Variants in EHF observed in about 807,000 individuals in gnomAD.
The protein encoded by EHF is ETS homologous factor, also known as ESE3 transcription factor.
A neutral mutation model predicts 45.1 loss-of-function variants in EHF; 14 were observed. The observed-to-expected ratio is 0.31, with a 90% CI of 0.21 to 0.49. The LOEUF (loss-of-function observed/expected upper bound fraction) is 0.49. Among genes scored for constraint, EHF ranks in the 20% least tolerant of loss-of-function variants. The pLI, the probability that EHF is intolerant of heterozygous loss-of-function variation, is 0.99. For synonymous variants in EHF, 136 were observed against 131.8 expected (o/e 1.03, Z -0.22); for missense variants, 282 against 371.4 (o/e 0.76, Z 1.98).
rs144779262 is a variant in EHF, at chr11:34,640,998, G to A, written c.-3-1630G>A. ...AGAAAACTGGGGTTCAGAGAGGTTA[G>A]GTAACTTGTCTGGGTGAGTACTAAC... is the stretch of plus-strand genomic sequence containing the variant. On this transcript the variant is annotated intron_variant, in intron 1 of 8. Transcript: ENST00000257831. Among the ~76,000 whole-genome samples the A allele has an allele frequency of 1.8e-3, 277 of 152,302 alleles. 1 individual carries two copies. Among genetic ancestry groups the A allele is most frequent in the Non-Finnish European group, 2.0e-3 (135 of 68,022 alleles).
chr11:34,642,053 T>A (rs1854051612), intron 1 of EHF: 1 of 152,146 alleles, frequency 6.6e-6, no homozygotes, highest in African/African-American at 2.4e-5. Flanking sequence ...CCTGATATTA[T>A]CACAAAGCCA....
At chr11:34,633,409 G>A (rs1853092485) in intron 1 of EHF, among the ~76,000 whole-genome samples, 1 of 152,174 alleles carries the variant, frequency 6.6e-6, no homozygotes, top group Admixed American at 6.5e-5. Context: ...AGGGAAGGGA[G>A]GCAAGTGGGT....
At chr11:34,655,498 C>G (rs1042367661) in intron 6 of EHF, among the ~76,000 whole-genome samples, 6 of 152,204 alleles carry the variant, frequency 3.9e-5, no homozygotes, top group African/African-American at 1.4e-4. Flanking sequence ...GACATAGAAT[C>G]ATGGTTATGA....
chr11:34,631,655 G>A (rs1293725872), intron 1 of EHF: 3 of 808,732 alleles, frequency 3.7e-6, no homozygotes, highest in African/African-American at 1.9e-5. Context: ...TCATTTATGC[G>A]ATGGGAAAAC....
At chr11:34,650,998 GA>G (rs1855103265) in intron 4 of EHF, among the ~76,000 whole-genome samples, 1 of 152,074 alleles carries the variant, frequency 6.6e-6, no homozygotes, top group African/African-American at 2.4e-5. Context: ...AAAAATCCTA[GA>G]GGGAGGGGGC....
intron 1 of EHF, among the ~76,000 whole-genome samples, chr11:34,623,433 G>A (rs1852122459): frequency 6.6e-6 from 1 of 151,998 alleles, no homozygotes; most frequent in Non-Finnish European, 1.5e-5. Context: ...TCTCCCAGTG[G>A]AAGTATCTTT....
chr11:34,648,683 G>C (rs1854826179), intron 3 of EHF, among the ~76,000 whole-genome samples: 1 of 152,152 alleles, frequency 6.6e-6, no homozygotes, highest in Non-Finnish European at 1.5e-5. Context: ...GGGAAACTGA[G>C]ACCCAGAAAG....
At chr11:34,642,809 A>G in intron 2 of EHF, 82 bp downstream of exon 2, 1 of 1,040,742 alleles carries the variant, frequency 9.6e-7, no homozygotes, top group Non-Finnish European at 1.5e-6. Context: ...CTAATGTTTG[A>G]AAAATATAGG....
At chr11:34,624,645 A>G (rs1483515668) in intron 1 of EHF, among the ~76,000 whole-genome samples, 1 of 152,330 alleles carries the variant, frequency 6.6e-6, no homozygotes, top group East Asian at 1.9e-4. Flanking sequence ...TTAGGGTGGG[A>G]CATAGTTTCA....
At chr11:34,651,443 C>G in intron 4 of EHF, 99 bp from the exon 5 acceptor site, 1 of 937,122 alleles carries the variant, frequency 1.1e-6, no homozygotes, top group Admixed American at 1.8e-5. Flanking sequence ...CCACTCCTCA[C>G]CCCCCATACT....
chr11:34,649,685 T>G (rs962014116), intron 4 of EHF, among the ~76,000 whole-genome samples: 1 of 152,212 alleles, frequency 6.6e-6, no homozygotes, highest in Non-Finnish European at 1.5e-5. Context: ...TTTCGTTTCC[T>G]TTCCCCTGTC....
intron 1 of EHF, among the ~76,000 whole-genome samples, chr11:34,629,356 CA>C (rs1198194999): frequency 6.6e-6 from 1 of 152,094 alleles, no homozygotes; most frequent in Non-Finnish European, 1.5e-5. Context: ...CCAGGAGAAA[CA>C]GAATAAAGTC....
chr11:34,622,742 CA>C (rs1852068560), intron 1 of EHF, among the ~76,000 whole-genome samples: 1 of 152,164 alleles, frequency 6.6e-6, no homozygotes, highest in Non-Finnish European at 1.5e-5. Flanking sequence ...CATTTTCACA[CA>C]AATGGCTAAT....
intron 1 of EHF, among the ~76,000 whole-genome samples, chr11:34,630,932 G>A (rs966917530): frequency 1.1e-4 from 16 of 152,138 alleles, no homozygotes; most frequent in African/African-American, 3.9e-4. Flanking sequence ...CCAACGGCCC[G>A]GAGAACACTG....
Position 34,635,063 on chromosome 11 carries a change from A to G in EHF, c.-3-7565A>G, listed in dbSNP as rs148246366. Among the ~76,000 whole-genome samples the G allele has an allele frequency of 3.3e-3, 509 of 152,318 alleles. 1 individual carries two copies. Among genetic ancestry groups the G allele is most frequent in the Non-Finnish European group, 4.4e-3 (299 of 68,038 alleles). On this transcript the variant is annotated intron_variant, in intron 1 of 8. Coordinates refer to ENST00000257831, the MANE Select transcript of EHF (RefSeq NM_012153.6). The stretch of plus-strand genomic sequence containing the variant: ...AATGCCTCCTAGAGTTGTTGTGAGC[A>G]TTGATTGAGATAATCTGTTTAAACC...
In EHF at chr11:34,659,045, G is replaced by A; in HGVS notation, c.*114G>A. 2.5e-6 allele frequency: 2 copies of A among 799,742 alleles called. No homozygotes were observed. The highest frequency in any genetic ancestry group is 4.0e-5 in the South Asian group (2 of 49,924). 49.5% of individuals were successfully genotyped at this position (799,742 alleles called of 1,614,324 possible). ...TTTCTCTGATATTTATGTACCATGAGGGGAACAAGAAACTACTTCTAACGG... is the reference window on the plus strand; with the variant it reads ...TTTCTCTGATATTTATGTACCATGAAGGGAACAAGAAACTACTTCTAACGG... On this transcript the variant is annotated 3_prime_UTR_variant, in exon 9 of 9. Transcript: ENST00000257831.
At position 34,662,720 on chromosome 11, in the gene EHF, T is replaced by C. The variant is rs1856164388; in HGVS notation, c.*3789T>C. On this transcript the variant is annotated 3_prime_UTR_variant, in exon 9 of 9. Coordinates refer to ENST00000257831, the MANE Select transcript of EHF (RefSeq NM_012153.6). ...AAACAGTTAAGAAGGAAGGCAATTA[T>C]ATTATTCTTCTGTAGTTAAGCAAAC... 6.6e-6 allele frequency among the ~76,000 whole-genome samples: 1 copy of C among 152,170 alleles called. No individual in the cohort carries two copies. The highest frequency in any genetic ancestry group is 1.5e-5 in the Non-Finnish European group (1 of 68,014).
rs551614614 is a variant in EHF at position 34,648,029 on chromosome 11, C to T, written c.344-990C>T. Among the ~76,000 whole-genome samples the T allele has an allele frequency of 2.0e-5, 3 of 152,332 alleles. No individual in the cohort carries two copies. In the South Asian group the frequency reaches 6.2e-4, roughly 32 times the overall value. Reference sequence around the variant, plus strand: ...TGTGGCCATCTTAGACCTTCTGTCTCTGACTTCCCATGACTTGTTTGGTCT... The same window carrying T: ...TGTGGCCATCTTAGACCTTCTGTCTTTGACTTCCCATGACTTGTTTGGTCT... On this transcript the variant is annotated intron_variant, in intron 3 of 8. Coordinates refer to ENST00000257831, the MANE Select transcript of EHF (RefSeq NM_012153.6).
chr11:34,646,583 A>G lies in EHF; in HGVS notation c.242A>G (p.Asn81Ser). The G allele has an allele frequency of 1.2e-6, 2 of 1,613,730 alleles. No homozygotes were observed. Among genetic ancestry groups the G allele is most frequent in the Non-Finnish European group, 1.7e-6 (2 of 1,179,844 alleles). The part of the protein sequence containing the change: ...NCIPFQEFDI[N>S]GEHLCSMSLQ... ...ATCCCTTTCCAAGAGTTCGACATCA[A>G]CGGCGAGCACCTCTGCAGCATGAGT... Residue 81 changes from asparagine (N) to serine (S), a missense_variant, in exon 3 of 9, where the codon AAC becomes AGC. Asn to Ser is a conservative substitution (Grantham distance 46). Coordinates refer to ENST00000257831, the MANE Select transcript of EHF (RefSeq NM_012153.6).
Sources: gnomAD v4.1 joint callset for allele counts (sites outside exome capture counted in the v4.1 genomes callset) on GRCh38, gnomAD v4.1.1 for gene constraint, MANE v1.5 for transcripts, NCBI Gene and HGNC (gene_info 2026-07-23, HGNC 2026-07-21) for gene names.